The following CAMKK2 variants were observed in gnomAD, a reference collection of about 807,000 sequenced individuals.
CAMKK2 encodes the protein calcium/calmodulin-dependent protein kinase kinase 2.
Under a neutral mutation model 67.2 loss-of-function variants are expected in CAMKK2, and 30 were observed. The observed-to-expected ratio is 0.45, with a 90% CI of 0.33 to 0.61. The LOEUF is 0.61. CAMKK2 is among the 20% of genes least tolerant of loss of function. CAMKK2 has a pLI of 0.02. For synonymous variants in CAMKK2, 322 were observed against 326.2 expected (o/e 0.99, Z 0.14); for missense variants, 643 against 802.0 (o/e 0.80, Z 2.39).
chr12:121,268,929 C>A (rs1718121), intron 4 of CAMKK2, among the ~76,000 whole-genome samples: 3,600 of 152,138 alleles, frequency 0.024, 144 homozygotes, highest in African/African-American at 0.082. Flanking sequence ...CTGAGGCTCA[C>A]GGTCGCCTCT....
At chr12:121,260,847 G>A (rs1257399440) in intron 6 of CAMKK2, among the ~76,000 whole-genome samples, 1 of 151,896 alleles carries the variant, frequency 6.6e-6, no homozygotes, top group Non-Finnish European at 1.5e-5. Flanking sequence ...CACCTACTCA[G>A]GAGGCTGAGG....
chr12:121,240,688 G>C lies in CAMKK2; in HGVS notation c.*11C>G. The C allele has an allele frequency of 6.3e-7, 1 of 1,588,330 alleles. No individual in the cohort carries two copies. Among genetic ancestry groups the C allele is most frequent in the South Asian group, 1.1e-5 (1 of 88,932 alleles). On this transcript the variant is annotated 3_prime_UTR_variant, in exon 17 of 17. Coordinates refer to ENST00000404169, the MANE Select transcript of CAMKK2 (RefSeq NM_001270485.2). This position sits in a 1 kb window ranked among gnomAD's most constrained non-coding sequence, Gnocchi z 4.4. ...ACGCGGCGCGCATGCGAGGTCGAGCGATCCAGGCAGCTACTCGGGCTCCAT... is the reference window on the plus strand; with the variant it reads ...ACGCGGCGCGCATGCGAGGTCGAGCCATCCAGGCAGCTACTCGGGCTCCAT...
rs1891211035 is a variant in CAMKK2 at position 121,253,483 on chromosome 12, GTAGACAGCAGGTGGGAGA to G, written c.908-29_908-12del. Reference sequence around the variant, plus strand: ...TCTTCTGGTAGTGTACTGGGGAGGCGTAGACAGCAGGTGGGAGATAGGGGCAGGAAAACCTCGTGAGCA... The same window carrying G: ...TCTTCTGGTAGTGTACTGGGGAGGCGTAGGGGCAGGAAAACCTCGTGAGCA... On this transcript the variant is annotated splice_polypyrimidine_tract_variant and intron_variant, in intron 9 of 16. Coordinates refer to ENST00000404169, the MANE Select transcript of CAMKK2 (RefSeq NM_001270485.2). This position sits in a 1 kb window ranked among gnomAD's most constrained non-coding sequence, Gnocchi z 5.0. 6.2e-7 allele frequency: 1 copy of G among 1,613,150 alleles called. No individual in the cohort carries two copies. Among genetic ancestry groups the G allele is most frequent in the Non-Finnish European group, 8.5e-7 (1 of 1,179,142 alleles).
chr12:121,268,473 C>A (rs1895082138), intron 5 of CAMKK2, among the ~76,000 whole-genome samples, 165 bp downstream of exon 5: 1 of 152,100 alleles, frequency 6.6e-6, no homozygotes, highest in Admixed American at 6.6e-5. Context: ...TGGCTCACTG[C>A]AAACTCCTCC....
chr12:121,290,002 A>C, intron 1 of CAMKK2, among the ~76,000 whole-genome samples: 1 of 151,872 alleles, frequency 6.6e-6, no homozygotes, highest in East Asian at 1.9e-4. Flanking sequence ...TTGAGCCTTG[A>C]TTTTCTCATC....
intron 1 of CAMKK2, among the ~76,000 whole-genome samples, chr12:121,281,351 C>T (rs1276364617): frequency 1.3e-5 from 2 of 152,200 alleles, no homozygotes; most frequent in African/African-American, 2.4e-5. Context: ...CTGAGGTTGC[C>T]TCATCCCGGG....
At chr12:121,289,173 A>C (rs1271189023) in intron 1 of CAMKK2, among the ~76,000 whole-genome samples, 1 of 152,120 alleles carries the variant, frequency 6.6e-6, no homozygotes, top group East Asian at 1.9e-4. Flanking sequence ...GCCTCCTTCC[A>C]GCTTTCCAAA....
Position 121,253,520 on chromosome 12 carries a change from G to A in CAMKK2, c.908-48C>T, listed in dbSNP as rs201787619. 110 of 1,503,742 alleles carry A rather than the reference G, an allele frequency of 7.3e-5. No individual in the cohort carries two copies. Among genetic ancestry groups the A allele is most frequent in the Middle Eastern group, 1.7e-4 (1 of 5,872 alleles). 93.1% of individuals were successfully genotyped at this position (1,503,742 alleles called of 1,614,324 possible). On this transcript the variant is annotated intron_variant, in intron 9 of 16. Coordinates refer to ENST00000404169, the MANE Select transcript of CAMKK2 (RefSeq NM_001270485.2). This position sits in a 1 kb window ranked among gnomAD's most constrained non-coding sequence, Gnocchi z 5.0. The stretch of plus-strand genomic sequence containing the variant: ...TGGGAGATAGGGGCAGGAAAACCTC[G>A]TGAGCACCTCTATGCGGCCACATGG...
Position 121,245,468 on chromosome 12 carries a change from A to C in CAMKK2, c.1453-228T>G, listed in dbSNP as rs1464882837. Among the ~76,000 whole-genome samples, 1 of 152,144 alleles carries C rather than the reference A, an allele frequency of 6.6e-6. No individual in the cohort carries two copies. The highest frequency in any genetic ancestry group is 1.5e-5 in the Non-Finnish European group (1 of 68,016). ...TGCACCACACCCTCAGCCACTGCTC[A>C]GCGTCTCTCCCAGGCCTCCCTGCTT... On this transcript the variant is annotated intron_variant, in intron 14 of 16. Transcript: ENST00000404169. The surrounding 1 kb of genome is among the most constrained non-coding windows in gnomAD (Gnocchi z 5.8).
chr12:121,268,083 CATATATATAT>C (rs71850101), intron 5 of CAMKK2, among the ~76,000 whole-genome samples: 5 of 97,022 alleles, frequency 5.2e-5, no homozygotes, highest in East Asian at 2.6e-4. Context: ...CCATTGGATG[CATATATATAT>C]ATATATACTC....
Position 121,253,420 on chromosome 12 carries a change from G to C in CAMKK2, c.960C>G (p.Val320=). Residue 320 remains valine, a synonymous_variant, in exon 10 of 17, where the codon GTC becomes GTG. Transcript: ENST00000404169. This position sits in a 1 kb window ranked among gnomAD's most constrained non-coding sequence, Gnocchi z 5.0. ...CGATCTTGATGTGCCCATCTTCTCC[G>C]ACCAGGAGGTTGGAAGGTTTGATGT... The part of the protein sequence containing the change: ...HRDIKPSNLL[V]GEDGHIKIAD... The C allele has an allele frequency of 6.2e-7, 1 of 1,614,132 alleles. No homozygotes were observed. Among genetic ancestry groups the C allele is most frequent in the Non-Finnish European group, 8.5e-7 (1 of 1,180,018 alleles).
intron 7 of CAMKK2, among the ~76,000 whole-genome samples, chr12:121,257,309 C>T (rs972545089): frequency 4.6e-5 from 7 of 150,916 alleles, no homozygotes; most frequent in Non-Finnish European, 7.4e-5. Flanking sequence ...TGCAGTGGCA[C>T]GATCTTGGCT....
intron 10 of CAMKK2, among the ~76,000 whole-genome samples, chr12:121,252,938 G>T (rs1370901420): frequency 6.6e-6 from 1 of 152,202 alleles, no homozygotes; most frequent in Non-Finnish European, 1.5e-5. Flanking sequence ...CATGACCCAT[G>T]TTGGGCCAAT....
At chr12:121,252,359 C>T (rs1007629589) in intron 11 of CAMKK2, among the ~76,000 whole-genome samples, 65 of 152,358 alleles carry the variant, frequency 4.3e-4, no homozygotes, top group African/African-American at 1.4e-3. Context: ...AGCTCCGCCT[C>T]CTGGGTTCAG....
intron 1 of CAMKK2, among the ~76,000 whole-genome samples, chr12:121,287,901 G>T (rs1899082929): frequency 1.3e-5 from 2 of 152,216 alleles, no homozygotes; most frequent in Admixed American, 6.5e-5. Context: ...GAGGCCAGGA[G>T]GTTGGGGCTG....
At chr12:121,290,804 TTTG>T (rs1388300759) in intron 1 of CAMKK2, among the ~76,000 whole-genome samples, 6 of 152,076 alleles carry the variant, frequency 3.9e-5, no homozygotes, top group Admixed American at 2.6e-4. Flanking sequence ...ATGGGTTTGT[TTTG>T]TTGTTATTGT....
In CAMKK2 at chr12:121,240,690, T is replaced by C; in HGVS notation, c.*9A>G. On this transcript the variant is annotated 3_prime_UTR_variant, in exon 17 of 17. Transcript: ENST00000404169. This position sits in a 1 kb window ranked among gnomAD's most constrained non-coding sequence, Gnocchi z 4.4. ...GCGGCGCGCATGCGAGGTCGAGCGA[T>C]CCAGGCAGCTACTCGGGCTCCATGG... 1 of 1,591,120 alleles carries C rather than the reference T, an allele frequency of 6.3e-7. No individual in the cohort carries two copies. The highest frequency in any genetic ancestry group is 8.5e-7 in the Non-Finnish European group (1 of 1,172,574).
intron 1 of CAMKK2, among the ~76,000 whole-genome samples, chr12:121,294,134 T>C (rs939775343): frequency 3.3e-5 from 5 of 152,042 alleles, no homozygotes; most frequent in African/African-American, 1.2e-4. Flanking sequence ...GGTTTCACCA[T>C]GTTGGCCAGG....
chr12:121,283,324 C>G (rs1041390014), intron 1 of CAMKK2, among the ~76,000 whole-genome samples: 2 of 151,488 alleles, frequency 1.3e-5, no homozygotes, highest in African/African-American at 2.5e-5. Context: ...ACAACTGGCT[C>G]TCTCCTTCAG....
Sources: allele counts gnomAD v4.1 joint callset (sites outside exome capture counted in the v4.1 genomes callset), GRCh38; gene constraint gnomAD v4.1.1; non-coding constraint Gnocchi (gnomAD v3.1); transcripts MANE v1.5; gene names NCBI Gene and HGNC (gene_info 2026-07-23, HGNC 2026-07-21).